PHGDH: variants seen among roughly 807,000 people sequenced by gnomAD.
The protein encoded by PHGDH is phosphoglycerate dehydrogenase, also known as D-3-phosphoglycerate dehydrogenase.
PHGDH carries 50 observed loss-of-function variants against 52.6 expected under a neutral mutation model. That is an observed-to-expected ratio of 0.95 (90% CI 0.76 to 1.20). PHGDH has a LOEUF of 1.20. Ranked by LOEUF, PHGDH falls within the 50% of genes most tolerant of loss-of-function variation. The pLI, the probability that PHGDH is intolerant of heterozygous loss-of-function variation, is 0.00. For synonymous variants in PHGDH, 271 were observed against 280.5 expected (o/e 0.97, Z 0.34); for missense variants, 630 against 684.6 (o/e 0.92, Z 0.89).
chr1:119,721,107 G>A lies in PHGDH; in HGVS notation c.139-63G>A, dbSNP rs1239452721. 5.4e-6 allele frequency: 8 copies of A among 1,492,096 alleles called. No individual in the cohort carries two copies. In the East Asian group the frequency reaches 6.8e-5, roughly 13 times the overall value. 92.4% of individuals were successfully genotyped at this position (1,492,096 alleles called of 1,614,324 possible). On this transcript the variant is annotated intron_variant, in intron 1 of 11. Transcript: ENST00000641023. ...CTTACTCAGGAGTAAGCAATGATGT[G>A]CCTGCGGCTTTACGAGTTCTCACAG... is the stretch of plus-strand genomic sequence containing the variant.
At chr1:119,713,859 T>C (rs1650808124) in intron 1 of PHGDH, among the ~76,000 whole-genome samples, 1 of 151,026 alleles carries the variant, frequency 6.6e-6, no homozygotes, top group Non-Finnish European at 1.5e-5. Flanking sequence ...AGTGAGGGGG[T>C]GGGGATAGGG....
chr1:119,736,255 A>G (rs1651930011), intron 7 of PHGDH, among the ~76,000 whole-genome samples: 1 of 152,146 alleles, frequency 6.6e-6, no homozygotes, highest in Non-Finnish European at 1.5e-5. Flanking sequence ...TTAGATCATA[A>G]GCTCCCTGAA....
chr1:119,742,002 T>G, intron 10 of PHGDH, 105 bp downstream of exon 10: 1 of 948,540 alleles, frequency 1.1e-6, no homozygotes, highest in South Asian at 1.4e-5. Context: ...GTCCCAGCCT[T>G]GCATCGGCCT....
chr1:119,741,031 C>A (rs775713254), intron 9 of PHGDH, among the ~76,000 whole-genome samples: 61 of 152,242 alleles, frequency 4.0e-4, no homozygotes, highest in Non-Finnish European at 7.9e-4. Flanking sequence ...TGACAGCCCT[C>A]GAGAGAGAGT....
intron 5 of PHGDH, among the ~76,000 whole-genome samples, chr1:119,733,949 AG>A (rs1651816131): frequency 6.6e-6 from 1 of 152,184 alleles, no homozygotes; most frequent in South Asian, 2.1e-4. Context: ...ACCCAGGTCC[AG>A]GGGAACTGAC....
intron 8 of PHGDH, among the ~76,000 whole-genome samples, chr1:119,737,650 T>C (rs673816): frequency 6.6e-6 from 1 of 152,034 alleles, no homozygotes; most frequent in South Asian, 2.1e-4. Context: ...GGGACGGCCA[T>C]GTAGAAATTT....
intron 8 of PHGDH, among the ~76,000 whole-genome samples, chr1:119,737,574 G>T (rs1469584708): frequency 6.6e-6 from 1 of 152,156 alleles, no homozygotes; most frequent in South Asian, 2.1e-4. Flanking sequence ...TCCACATGCC[G>T]TGGGAGTGAA....
Position 119,734,622 on chromosome 1 carries a change from G to A in PHGDH, c.511-12G>A, listed in dbSNP as rs1651851088. The A allele has an allele frequency of 1.9e-6, 3 of 1,613,712 alleles. No homozygotes were observed. The highest frequency in any genetic ancestry group is 2.5e-6 in the Non-Finnish European group (3 of 1,179,642). On this transcript the variant is annotated splice_polypyrimidine_tract_variant and intron_variant, in intron 5 of 11. Coordinates refer to ENST00000641023, the MANE Select transcript of PHGDH (RefSeq NM_006623.4). ...GAATGACACTTCCTCCCTCTCTCTT[G>A]CTTCCAACCAGACTATAGGGTATGA...
intron 5 of PHGDH, among the ~76,000 whole-genome samples, chr1:119,733,017 G>GATGGCAGGGATCCC (rs1553237026): frequency 6.6e-6 from 1 of 152,238 alleles, no homozygotes; most frequent in Non-Finnish European, 1.5e-5. Context: ...TTGTGACAAC[G>GATGGCAGGGATCCC]ATGGCAGGGA....
intron 1 of PHGDH, among the ~76,000 whole-genome samples, chr1:119,715,284 T>G (rs1015214844): frequency 6.6e-6 from 1 of 152,226 alleles, no homozygotes; most frequent in Admixed American, 6.5e-5. Flanking sequence ...TAATGGTATT[T>G]AATTTACTGA....
chr1:119,721,344 G>A (rs769225173), intron 2 of PHGDH, 23 bp downstream of exon 2: 39 of 1,610,082 alleles, frequency 2.4e-5, no homozygotes, highest in Non-Finnish European at 2.7e-5. Flanking sequence ...GGCTGCGGGC[G>A]GTTTGGGGGT....
At chr1:119,743,714 G>T (rs1473880297) in intron 11 of PHGDH, among the ~76,000 whole-genome samples, 172 bp from the exon 12 acceptor site, 1 of 152,234 alleles carries the variant, frequency 6.6e-6, no homozygotes. Flanking sequence ...AATATCCATG[G>T]AAGCTGAGCA....
rs1050820420 is a variant in PHGDH, at chr1:119,726,859, C to T, written c.365C>T (p.Pro122Leu). Reference protein sequence around the residue: ...GMIMCLARQIPQATASMKDGK... With the variant: ...GMIMCLARQILQATASMKDGK... ...TGTGTCTATCCTTGCAGGCAGATTC[C>T]CCAGGCGACGGCTTCGATGAAGGAC... is the stretch of plus-strand genomic sequence containing the variant. The change falls in exon 4 of 12, where the codon CCC becomes CTC. Residue 122 changes from proline (P) to leucine (L), a missense_variant. Physicochemically the swap from Pro to Leu is moderately conservative, Grantham distance 98 (BLOSUM62 -3). Coordinates refer to ENST00000641023, the MANE Select transcript of PHGDH (RefSeq NM_006623.4). 4 of 1,614,012 alleles carry T rather than the reference C, an allele frequency of 2.5e-6. No individual in the cohort carries two copies. The highest frequency in any genetic ancestry group is 1.1e-5 in the South Asian group (1 of 91,066).
intron 1 of PHGDH, chr1:119,720,859 T>G: frequency 2.5e-6 from 1 of 399,538 alleles, no homozygotes; most frequent in Non-Finnish European, 4.7e-6. Flanking sequence ...GCAGGCATCA[T>G]GGTGCTGTCT....
intron 2 of PHGDH, among the ~76,000 whole-genome samples, chr1:119,722,055 C>G (rs587760765): frequency 1.3e-5 from 2 of 152,344 alleles, no homozygotes; most frequent in South Asian, 4.1e-4. Flanking sequence ...CTTTCCCCTC[C>G]CCTGCACTGC....
At position 119,721,247 on chromosome 1, in the gene PHGDH, G is replaced by A. The variant is rs1651146348; in HGVS notation, c.216G>A (p.Val72=). 6.2e-7 allele frequency: 1 copy of A among 1,614,066 alleles called. No homozygotes were observed. Among genetic ancestry groups the A allele is most frequent in the African/African-American group, 1.3e-5 (1 of 74,924 alleles). The change falls in exon 2 of 12, where the codon GTG becomes GTA. Residue 72 remains valine (V), a synonymous_variant. Coordinates refer to ENST00000641023, the MANE Select transcript of PHGDH (RefSeq NM_006623.4). The part of the protein sequence containing the change: ...DVINAAEKLQ[V]VGRAGTGVDN... ...TCAACGCAGCTGAGAAACTCCAGGT[G>A]GTGGGCAGGGCTGGCACAGGTGTGG... is the stretch of plus-strand genomic sequence containing the variant.
At chr1:119,743,226 A>C (rs1652294632) in intron 11 of PHGDH, among the ~76,000 whole-genome samples, 182 bp downstream of exon 11, 1 of 152,210 alleles carries the variant, frequency 6.6e-6, no homozygotes, top group African/African-American at 2.4e-5. Flanking sequence ...ACTCAGTTCA[A>C]AGAGGGAAAG....
chr1:119,740,186 G>T, intron 8 of PHGDH, 200 bp from the exon 9 acceptor site: 1 of 596,100 alleles, frequency 1.7e-6, no homozygotes, highest in Non-Finnish European at 3.0e-6. Flanking sequence ...TCCATTTCTG[G>T]CTCCACAGCT....
At chr1:119,719,529 C>T (rs12057776) in intron 1 of PHGDH, 52,344 of 152,044 alleles carry the variant, frequency 0.34, 9,808 homozygotes, top group African/African-American at 0.5. Context: ...AGCCCCCAAG[C>T]AGTGAGGATG....
Sources: allele counts gnomAD v4.1 joint callset (sites outside exome capture counted in the v4.1 genomes callset), GRCh38; gene constraint gnomAD v4.1.1; transcripts MANE v1.5; gene names NCBI Gene and HGNC (gene_info 2026-07-23, HGNC 2026-07-21).